Variants in RBFOX1 observed in about 807,000 individuals in gnomAD.
RBFOX1 encodes RNA binding fox-1 homolog 1, also known as RNA binding protein fox-1 homolog 1.
RBFOX1 carries 8 observed loss-of-function variants against 57.7 expected under a neutral mutation model. That is an observed-to-expected ratio of 0.14 (90% CI 0.08 to 0.25). RBFOX1 has a LOEUF of 0.25. Among genes scored for constraint, RBFOX1 ranks in the 10% least tolerant of loss-of-function variants. RBFOX1 has a pLI of 1.00. For missense variants in RBFOX1, 611 were observed against 548.5 expected, an observed-to-expected ratio of 1.11 and a Z score of -1.14; for synonymous variants, 326 against 222.4, an observed-to-expected ratio of 1.47 and a Z score of -4.15.
chr16:7,257,552 C>T (rs1265906535), intron 4 of RBFOX1, among the ~76,000 whole-genome samples: 1 of 152,140 alleles, frequency 6.6e-6, no homozygotes, highest in South Asian at 2.1e-4. Flanking sequence ...ACCTCACTGT[C>T]TCCCATTCCA....
chr16:6,296,907 C>A (rs2880918), intron 1 of RBFOX1, among the ~76,000 whole-genome samples: 13,243 of 152,148 alleles, frequency 0.087, 765 homozygotes, highest in African/African-American at 0.17. Flanking sequence ...AAGTGAAAGC[C>A]TGTTTATTAG....
intron 15 of RBFOX1, chr16:7,709,869 C>A (rs2083670066): frequency 8.8e-7 from 1 of 1,138,240 alleles, no homozygotes; most frequent in African/African-American, 1.6e-5. Context: ...CACGTGAGAG[C>A]ATATGCAATC....
intron 3 of RBFOX1, among the ~76,000 whole-genome samples, chr16:6,662,598 T>G (rs937816040): frequency 2.0e-5 from 3 of 152,012 alleles, no homozygotes; most frequent in Non-Finnish European, 4.4e-5. Context: ...TATTTCCTTG[T>G]CAACTATTTC....
At chr16:7,633,727 G>A (rs1275837914) in intron 11 of RBFOX1, among the ~76,000 whole-genome samples, 2 of 152,122 alleles carry the variant, frequency 1.3e-5, no homozygotes, top group Admixed American at 1.3e-4. Flanking sequence ...TCTCCAATTG[G>A]GTAGGCAGAG....
chr16:7,673,207 C>T (rs765445755), intron 13 of RBFOX1, among the ~76,000 whole-genome samples: 4 of 152,114 alleles, frequency 2.6e-5, no homozygotes, highest in Non-Finnish European at 5.9e-5. Flanking sequence ...CATTTATTTT[C>T]AAAAGTGATC....
chr16:6,555,624 C>T (rs879660934), intron 2 of RBFOX1, among the ~76,000 whole-genome samples: 7 of 152,066 alleles, frequency 4.6e-5, no homozygotes, highest in Admixed American at 6.5e-5. Flanking sequence ...GGCGTGAATC[C>T]GGGAGGCAGA....
intron 4 of RBFOX1, among the ~76,000 whole-genome samples, chr16:7,221,910 C>T (rs186573743): frequency 4.6e-5 from 7 of 152,170 alleles, no homozygotes; most frequent in Non-Finnish European, 1.0e-4. Context: ...CATGTCCAAC[C>T]ACAAAATGGG....
intron 3 of RBFOX1, among the ~76,000 whole-genome samples, chr16:6,898,988 A>C (rs1026469005): frequency 1.4e-5 from 2 of 145,702 alleles, no homozygotes; most frequent in Admixed American, 7.1e-5. Context: ...GTATGTGTGC[A>C]TATATATAAT....
At chr16:6,040,648 G>A (rs943295616) in intron 1 of RBFOX1, among the ~76,000 whole-genome samples, 43 of 151,758 alleles carry the variant, frequency 2.8e-4, no homozygotes, top group African/African-American at 1.0e-3. Context: ...TAGCTGGAGT[G>A]CTGTGGTGCA....
At chr16:7,329,338 C>T (rs10500353) in intron 4 of RBFOX1, among the ~76,000 whole-genome samples, 8,138 of 152,188 alleles carry the variant, frequency 0.053, 717 homozygotes, top group African/African-American at 0.19. Flanking sequence ...AAAGTTCCTG[C>T]ATTACACCGT....
chr16:5,521,607 C>T lies in RBFOX1; in HGVS notation c.258+54353C>T, dbSNP rs541448242. On this transcript the variant is annotated intron_variant, in intron 2 of 2. Transcript: ENST00000585867. The stretch of plus-strand genomic sequence containing the variant: ...CCCAGAGTCACAGGGGACAGGTGGA[C>T]ACCAGAAGGCAATTGGAGCTCTGCC... 1.1e-4 allele frequency among the ~76,000 whole-genome samples: 16 copies of T among 152,146 alleles called. No homozygotes were observed. The South Asian group carries it at 1.2e-3, about 12-fold the overall frequency.
intron 2 of RBFOX1, among the ~76,000 whole-genome samples, chr16:6,637,147 T>C (rs1238284411): frequency 1.1e-5 from 1 of 92,230 alleles, no homozygotes; most frequent in Non-Finnish European, 1.9e-5. Flanking sequence ...AAATATATAA[T>C]ATACAATATA....
At chr16:5,560,374 C>G (rs1252648586) in intron 2 of RBFOX1, among the ~76,000 whole-genome samples, 1 of 152,108 alleles carries the variant, frequency 6.6e-6, no homozygotes, top group East Asian at 1.9e-4. Flanking sequence ...CCAGGAAGCA[C>G]TAAATCACCT....
intron 1 of RBFOX1, among the ~76,000 whole-genome samples, chr16:6,152,107 C>A (rs17195563): frequency 0.065 from 9,820 of 152,188 alleles, 484 homozygotes; most frequent in Middle Eastern, 0.13. Context: ...CCCTGAAGAT[C>A]TAGGTATCCA....
intron 3 of RBFOX1, among the ~76,000 whole-genome samples, chr16:6,900,821 C>A (rs1276950829): frequency 6.6e-6 from 1 of 152,190 alleles, no homozygotes; most frequent in African/African-American, 2.4e-5. Context: ...TTCCACTTAA[C>A]ATGTTATGGT....
chr16:6,265,929 C>A (rs1365337680), intron 1 of RBFOX1, among the ~76,000 whole-genome samples: 2 of 152,194 alleles, frequency 1.3e-5, no homozygotes, highest in Middle Eastern at 3.2e-3. Context: ...TCACATGCAG[C>A]ATCCTTCCTG....
chr16:7,241,269 G>T (rs2094042505), intron 4 of RBFOX1, among the ~76,000 whole-genome samples: 1 of 152,034 alleles, frequency 6.6e-6, no homozygotes, highest in Non-Finnish European at 1.5e-5. Context: ...CTCAGTCTCG[G>T]CACTACTATT....
chr16:5,802,442 G>A (rs1168621545), intron 3 of RBFOX1, among the ~76,000 whole-genome samples: 1 of 152,138 alleles, frequency 6.6e-6, no homozygotes, highest in African/African-American at 2.4e-5. Flanking sequence ...TGTATTCTGA[G>A]ATCTACAGGC....
At chr16:6,269,901 A>G (rs2074999059) in intron 1 of RBFOX1, among the ~76,000 whole-genome samples, 1 of 152,192 alleles carries the variant, frequency 6.6e-6, no homozygotes, top group African/African-American at 2.4e-5. Context: ...GATGTGATTC[A>G]AAATACAAGT....
Sources: allele counts gnomAD v4.1 joint callset (sites outside exome capture counted in the v4.1 genomes callset), GRCh38; gene constraint gnomAD v4.1.1; transcripts MANE v1.5; gene names NCBI Gene and HGNC (gene_info 2026-07-23, HGNC 2026-07-21).